PITPNC1: variants seen among roughly 807,000 people sequenced by gnomAD.
PITPNC1 encodes the protein cytoplasmic phosphatidylinositol transfer protein 1.
PITPNC1 carries 18 observed loss-of-function variants against 44.7 expected under a neutral mutation model. The observed-to-expected ratio is 0.40, with a 90% CI of 0.28 to 0.60. PITPNC1 has a LOEUF of 0.60. Among genes scored for constraint, PITPNC1 ranks in the 20% least tolerant of loss-of-function variants. The probability of loss-of-function intolerance (pLI) is 0.39; values close to 1 mark genes in which losing one functional copy is unlikely to be tolerated. For missense variants in PITPNC1, 290 were observed against 418.4 expected (o/e 0.69, Z 2.68); for synonymous variants, 141 against 149.6 (o/e 0.94, Z 0.42).
At chr17:67,397,258 G>A (rs962508154) in intron 1 of PITPNC1, among the ~76,000 whole-genome samples, 3 of 152,156 alleles carry the variant, frequency 2.0e-5, no homozygotes, top group Admixed American at 6.5e-5. Flanking sequence ...TGAGATTGCA[G>A]GCGTCAGCCA....
At chr17:67,632,339 C>A in intron 6 of PITPNC1, 101 bp downstream of exon 6, 1 of 731,684 alleles carries the variant, frequency 1.4e-6, no homozygotes, top group South Asian at 1.7e-5. Flanking sequence ...CATCTCTCGT[C>A]GTGTGGATTC....
At position 67,508,061 on chromosome 17, in the gene PITPNC1, A is replaced by G. The variant is rs115731021; in HGVS notation, c.49-24741A>G. On this transcript the variant is annotated intron_variant, in intron 1 of 8. Transcript: ENST00000581322. This position sits in a 1 kb window ranked among gnomAD's most constrained non-coding sequence, Gnocchi z 4.2. ...TCCAAAGCCTGCTCCTCCTCCTTCT[A>G]TATTTAATTCCCAAGAGTAATCTCC... Among the ~76,000 whole-genome samples the G allele has an allele frequency of 7.0e-3, 1,062 of 152,240 alleles. 15 individuals carry two copies. The highest frequency in any genetic ancestry group is 0.024 in the African/African-American group (998 of 41,534).
At chr17:67,391,868 G>T (rs768588648) in intron 1 of PITPNC1, among the ~76,000 whole-genome samples, 4 of 152,148 alleles carry the variant, frequency 2.6e-5, no homozygotes, top group Admixed American at 2.0e-4. Flanking sequence ...GTCCCAGTAA[G>T]AGAAGAAAGT....
intron 6 of PITPNC1, among the ~76,000 whole-genome samples, chr17:67,649,103 A>G (rs1333197520): frequency 1.3e-5 from 2 of 152,200 alleles, no homozygotes; most frequent in East Asian, 1.9e-4. Flanking sequence ...GCAGTGAGCC[A>G]TGATTGCACC....
chr17:67,566,958 C>T (rs558860374), intron 4 of PITPNC1, among the ~76,000 whole-genome samples: 7 of 152,340 alleles, frequency 4.6e-5, no homozygotes, highest in South Asian at 2.1e-4. Flanking sequence ...TGGACCTTTC[C>T]GTGCCTTTGT....
chr17:67,535,073 TA>T (rs1424333908), intron 2 of PITPNC1, among the ~76,000 whole-genome samples: 2 of 152,374 alleles, frequency 1.3e-5, no homozygotes. Flanking sequence ...ACTGATGTTT[TA>T]ATTTGCCCAG....
At chr17:67,500,270 T>C (rs897481915) in intron 1 of PITPNC1, among the ~76,000 whole-genome samples, 3 of 152,256 alleles carry the variant, frequency 2.0e-5, no homozygotes, top group Non-Finnish European at 4.4e-5. Flanking sequence ...GTCCAAATTC[T>C]GGATAAATGA....
At chr17:67,501,726 G>T (rs1476631423) in intron 1 of PITPNC1, among the ~76,000 whole-genome samples, 1 of 152,136 alleles carries the variant, frequency 6.6e-6, no homozygotes, top group African/African-American at 2.4e-5. Flanking sequence ...CCAGCTACTT[G>T]GGAGGCTGAA....
intron 1 of PITPNC1, among the ~76,000 whole-genome samples, chr17:67,490,362 GT>G (rs368543009): frequency 6.7e-6 from 1 of 150,342 alleles, no homozygotes. Flanking sequence ...TTTTTGTTTT[GT>G]TTTTTTTTAA....
chr17:67,515,849 A>C (rs2040252170), intron 1 of PITPNC1, among the ~76,000 whole-genome samples: 1 of 152,200 alleles, frequency 6.6e-6, no homozygotes. Context: ...CCTTTTCATG[A>C]AATAACTGTC....
At chr17:67,413,598 G>C (rs189439877) in intron 1 of PITPNC1, among the ~76,000 whole-genome samples, 23 of 152,208 alleles carry the variant, frequency 1.5e-4, no homozygotes, top group Admixed American at 1.4e-3. Flanking sequence ...CAGTCAGTTT[G>C]CTGCTGCTTC....
chr17:67,671,717 C>T (rs1402665790), intron 7 of PITPNC1, among the ~76,000 whole-genome samples: 2 of 152,062 alleles, frequency 1.3e-5, no homozygotes, highest in Non-Finnish European at 2.9e-5. Flanking sequence ...AAATGTGATA[C>T]GTAGAAATCA....
chr17:67,501,207 C>T (rs916508939), intron 1 of PITPNC1, among the ~76,000 whole-genome samples: 26 of 152,164 alleles, frequency 1.7e-4, no homozygotes, highest in African/African-American at 5.8e-4. Flanking sequence ...TTTCATGCAT[C>T]GCAGTTCGAG....
Position 67,680,471 on chromosome 17 carries a change from G to A in PITPNC1, c.682+4929G>A, listed in dbSNP as rs148049942. Among the ~76,000 whole-genome samples the A allele has an allele frequency of 2.7e-3, 414 of 152,078 alleles. 3 individuals carry two copies. Among genetic ancestry groups the A allele is most frequent in the Non-Finnish European group, 4.4e-3 (302 of 68,000 alleles). ...AAAAGTTAGCTAGGCGTGGTTGCGG[G>A]CACCTGTAATCCCAGCTACTCAGGA... On this transcript the variant is annotated intron_variant, in intron 8 of 8. Transcript: ENST00000581322.
chr17:67,416,227 T>TTTTTTA, intron 1 of PITPNC1, among the ~76,000 whole-genome samples: 1 of 141,878 alleles, frequency 7.0e-6, no homozygotes, highest in South Asian at 2.2e-4. Context: ...TTTTTTTTTT[T>TTTTTTA]TAGACAGAGT....
intron 5 of PITPNC1, among the ~76,000 whole-genome samples, chr17:67,589,395 A>T (rs978468464): frequency 6.6e-6 from 1 of 152,182 alleles, no homozygotes; most frequent in Non-Finnish European, 1.5e-5. Flanking sequence ...CCTGATTCAC[A>T]GGTGCTGTGA....
intron 5 of PITPNC1, among the ~76,000 whole-genome samples, chr17:67,614,568 A>G (rs2041732644): frequency 1.3e-5 from 2 of 151,480 alleles, no homozygotes; most frequent in East Asian, 3.9e-4. Context: ...GCTACTCGGG[A>G]GGCTGAGGGA....
chr17:67,538,614 A>G (rs1051067037), intron 2 of PITPNC1, among the ~76,000 whole-genome samples: 24 of 152,100 alleles, frequency 1.6e-4, no homozygotes, highest in African/African-American at 4.8e-4. Context: ...TAAATAAATA[A>G]ATAGATAGAT....
chr17:67,624,100 T>C (rs2041865821), intron 5 of PITPNC1, among the ~76,000 whole-genome samples: 1 of 152,216 alleles, frequency 6.6e-6, no homozygotes, highest in African/African-American at 2.4e-5. Flanking sequence ...ATATTTAAAC[T>C]GTTTTCTTCC....
Sources: gnomAD v4.1 joint callset for allele counts (sites outside exome capture counted in the v4.1 genomes callset) on GRCh38, gnomAD v4.1.1 for gene constraint, Gnocchi (gnomAD v3.1) non-coding constraint, MANE v1.5 for transcripts, NCBI Gene and HGNC (gene_info 2026-07-23, HGNC 2026-07-21) for gene names.